LEPROTL1: variants seen among roughly 807,000 people sequenced by gnomAD.
LEPROTL1 encodes the protein leptin receptor overlapping transcript like 1, also known as leptin receptor overlapping transcript-like 1.
LEPROTL1 carries 6 observed loss-of-function variants against 15.4 expected under a neutral mutation model. That is an observed-to-expected ratio of 0.39 (90% CI 0.21 to 0.77). LEPROTL1 has a LOEUF of 0.77. Ranked by LOEUF, LEPROTL1 falls within the 30% of genes least tolerant of loss-of-function variation. LEPROTL1 has a pLI of 0.41. For missense variants in LEPROTL1, 128 were observed against 158.1 expected (o/e 0.81, Z 1.02); for synonymous variants, 56 against 52.6 (o/e 1.06, Z -0.28).
chr8:30,096,023 T>TCCACCCCGGCCGCCCGCGC, intron 1 of LEPROTL1: 1 of 602,040 alleles, frequency 1.7e-6, no homozygotes, highest in South Asian at 1.8e-5. Flanking sequence ...CGACCCCACG[T>TCCACCCCGGCCGCCCGCGC]CCACCCCGGC....
intron 4 of LEPROTL1, among the ~76,000 whole-genome samples, chr8:30,136,136 A>G (rs1003316530): frequency 1.3e-5 from 2 of 152,168 alleles, no homozygotes; most frequent in Non-Finnish European, 2.9e-5. Flanking sequence ...TATGGACTGA[A>G]TGTGCCCCCA....
intron 1 of LEPROTL1, chr8:30,095,926 A>C (rs1024949334): frequency 7.2e-6 from 5 of 693,566 alleles, no homozygotes; most frequent in Non-Finnish European, 1.3e-5. Flanking sequence ...TGAGGCTGCT[A>C]GAGATGCCAG....
Position 30,107,935 on chromosome 8 carries a change from G to A in LEPROTL1, c.*2073G>A. 1 of 985,214 alleles carries A rather than the reference G, an allele frequency of 1.0e-6. No individual in the cohort carries two copies. The highest frequency in any genetic ancestry group is 1.2e-6 in the Non-Finnish European group (1 of 829,782). The allele number at this position is 985,214 out of a possible 1,614,324, so 61.0% of individuals were successfully genotyped here. A position where few individuals can be genotyped will look rare whatever the true frequency, so the allele number is the denominator to read the frequency against. On this transcript the variant is annotated 3_prime_UTR_variant, in exon 4 of 4. Coordinates refer to ENST00000321250, the MANE Select transcript of LEPROTL1 (RefSeq NM_015344.3). The stretch of plus-strand genomic sequence containing the variant: ...TGACCTTGTATACTAGCTTGACATA[G>A]TGCTGTCTCTGATTTCTAGGCTAGT...
intron 1 of LEPROTL1, 139 bp from the exon 2 acceptor site, chr8:30,101,759 T>TA: frequency 1.9e-6 from 1 of 522,828 alleles, no homozygotes; most frequent in Non-Finnish European, 3.3e-6. Context: ...CTAGATAACT[T>TA]ACACTTCTGA....
At chr8:30,109,992 G>A (rs1294715704), downstream of LEPROTL1, among the ~76,000 whole-genome samples, 1 of 152,072 alleles carries the variant, frequency 6.6e-6, no homozygotes, top group Non-Finnish European at 1.5e-5. Context: ...TAATGTTGGG[G>A]TTATTCTGAG....
At chr8:30,122,977 T>A (rs1210216945) in intron 3 of LEPROTL1, among the ~76,000 whole-genome samples, 1 of 152,180 alleles carries the variant, frequency 6.6e-6, no homozygotes, top group Non-Finnish European at 1.5e-5. Flanking sequence ...GTCTTAACAG[T>A]ACGTGTTTGT....
In LEPROTL1 at chr8:30,104,387, T is replaced by G; in HGVS notation, c.180T>G (p.Asp60Glu). 6.2e-7 allele frequency: 1 copy of G among 1,612,820 alleles called. No individual in the cohort carries two copies. Among genetic ancestry groups the G allele is most frequent in the South Asian group, 1.1e-5 (1 of 90,768 alleles). Reference protein sequence around the residue: ...CIARRLVDDTDAMSNACKELA... With the variant: ...CIARRLVDDTEAMSNACKELA... ...CAAGAAGATTAGTGGATGATACAGA[T>G]GCTATGAGTAACGCTTGTAAGGAAC... The change falls in exon 3 of 4, where the codon GAT (aspartate) becomes GAG (glutamate). Residue 60 changes from aspartate to glutamate, a missense_variant. Physicochemically the swap from Asp to Glu is conservative, Grantham distance 45 (BLOSUM62 2). Transcript: ENST00000321250.
intron 3 of LEPROTL1, among the ~76,000 whole-genome samples, chr8:30,126,578 G>T (rs1245887742): frequency 6.6e-6 from 1 of 152,194 alleles, no homozygotes; most frequent in African/African-American, 2.4e-5. Flanking sequence ...AAAGGCCAAG[G>T]TTGGATTGTC....
intron 3 of LEPROTL1, among the ~76,000 whole-genome samples, chr8:30,119,063 G>T (rs1156765548): frequency 6.6e-6 from 1 of 152,202 alleles, no homozygotes; most frequent in Non-Finnish European, 1.5e-5. Flanking sequence ...ACAATACCCA[G>T]CTTTCCAGGG....
At chr8:30,133,090 A>AT (rs987844569) in intron 4 of LEPROTL1, among the ~76,000 whole-genome samples, 3 of 152,198 alleles carry the variant, frequency 2.0e-5, no homozygotes, top group African/African-American at 7.2e-5. Context: ...TTATTTATTT[A>AT]TTTTTTTATA....
rs564739275 is a variant in LEPROTL1 at position 30,100,562 on chromosome 8, G to A, written c.17-1336G>A. ...CCTCCCGGGTTCAAGCAATTCTCCT[G>A]CCTCAGCCTCCCAAGTAGCTGGGAC... On this transcript the variant is annotated intron_variant, in intron 1 of 3. Coordinates refer to ENST00000321250, the MANE Select transcript of LEPROTL1 (RefSeq NM_015344.3). Among the ~76,000 whole-genome samples the A allele has an allele frequency of 5.0e-4, 76 of 152,290 alleles. 1 individual carries two copies. In the East Asian group the frequency reaches 0.013, roughly 26 times the overall value.
intron 3 of LEPROTL1, among the ~76,000 whole-genome samples, chr8:30,118,019 G>GGTTGTTTTTTTTTTTTTTTT (rs751348725): frequency 3.7e-5 from 1 of 26,786 alleles, no homozygotes; most frequent in African/African-American, 1.2e-4. Flanking sequence ...TTTTTGATTT[G>GGTTGTTTTTTTTTTTTTTTT]TTTTTTTTTT....
intron 3 of LEPROTL1, among the ~76,000 whole-genome samples, chr8:30,114,499 C>A (rs1802705009): frequency 6.6e-6 from 1 of 152,050 alleles, no homozygotes; most frequent in African/African-American, 2.4e-5. Flanking sequence ...CCATGTTGGC[C>A]AGGCTGGTCT....
intron 4 of LEPROTL1, chr8:30,133,015 T>C (rs1413397484): frequency 1.9e-6 from 2 of 1,066,384 alleles, no homozygotes; most frequent in Non-Finnish European, 2.6e-6. Flanking sequence ...TCTGTACAGC[T>C]AAGATTAATC....
chr8:30,105,682 ATTTT>A (rs397960486), intron 3 of LEPROTL1, 60 bp from the exon 4 acceptor site: 3 of 1,215,176 alleles, frequency 2.5e-6, no homozygotes, highest in Admixed American at 2.2e-5. Context: ...TAGAGCCTTG[ATTTT>A]TTTTTTTATT....
chr8:30,107,686 C>T lies in LEPROTL1; in HGVS notation c.*1824C>T, dbSNP rs1401201183. 3.0e-6 allele frequency: 3 copies of T among 985,344 alleles called. No homozygotes were observed. The highest frequency in any genetic ancestry group is 1.7e-5 in the African/African-American group (1 of 57,214). The allele number at this position is 985,344 out of a possible 1,614,324, so 61.0% of individuals were successfully genotyped here. ...ATGTTCAGATTTCAAGAGGAAGGTG[C>T]AGGTACACATGAGTTAGAGAGCTGG... On this transcript the variant is annotated 3_prime_UTR_variant, in exon 4 of 4. Coordinates refer to ENST00000321250, the MANE Select transcript of LEPROTL1 (RefSeq NM_015344.3).
intron 3 of LEPROTL1, among the ~76,000 whole-genome samples, chr8:30,120,414 G>A (rs9297199): frequency 0.028 from 4,200 of 152,198 alleles, 211 homozygotes; most frequent in African/African-American, 0.096. Flanking sequence ...AAAATATAAA[G>A]AGGGCAAAAT....
chr8:30,115,045 G>A (rs1256931189), intron 3 of LEPROTL1, among the ~76,000 whole-genome samples: 1 of 152,060 alleles, frequency 6.6e-6, no homozygotes, highest in South Asian at 2.1e-4. Flanking sequence ...TGAAACTCAT[G>A]TACAGTATTT....
At chr8:30,121,948 T>C (rs1802834805) in intron 3 of LEPROTL1, among the ~76,000 whole-genome samples, 1 of 151,968 alleles carries the variant, frequency 6.6e-6, no homozygotes, top group African/African-American at 2.4e-5. Context: ...GGCAAATCAC[T>C]TGAAGTCAGG....
Sources: allele counts gnomAD v4.1 joint callset (sites outside exome capture counted in the v4.1 genomes callset), GRCh38; gene constraint gnomAD v4.1.1; transcripts MANE v1.5; gene names NCBI Gene and HGNC (gene_info 2026-07-23, HGNC 2026-07-21).